The following LRTM1 variants were observed in gnomAD, a reference collection of about 807,000 sequenced individuals.
The protein encoded by LRTM1 is leucine rich repeat transmembrane protein 1, also known as leucine-rich repeat and transmembrane domain-containing protein 1.
A neutral mutation model predicts 32.4 loss-of-function variants in LRTM1; 38 were observed. The observed-to-expected ratio is 1.17, with a 90% CI of 0.91 to 1.54. The LOEUF is 1.54. Among genes scored for constraint, LRTM1 ranks in the 40% most tolerant of loss-of-function variants. LRTM1 has a pLI of 0.00. For missense variants in LRTM1, 466 were observed against 415.4 expected (o/e 1.12, Z -1.06); for synonymous variants, 186 against 169.9 (o/e 1.09, Z -0.74).
chr3:54,919,679 A>G (rs548857450), intron 2 of LRTM1, among the ~76,000 whole-genome samples: 1 of 152,330 alleles, frequency 6.6e-6, no homozygotes, highest in African/African-American at 2.4e-5. Context: ...TAGTGTGACC[A>G]CTGATTTACT....
chr3:54,928,954 C>T (rs2106951016), upstream of LRTM1, among the ~76,000 whole-genome samples: 1 of 152,250 alleles, frequency 6.6e-6, no homozygotes, highest in East Asian at 1.9e-4. Flanking sequence ...AAATCCCCTG[C>T]CATTTGCTGA....
chr3:54,918,587 A>G lies in LRTM1; in HGVS notation c.910T>C (p.Leu304=), dbSNP rs1421064034. Reference sequence around the variant, plus strand: ...GTGCAGCCATAGATGGCAGCTGCCAACATCATGAGACACACAATCCCACAC... The same window carrying G: ...GTGCAGCCATAGATGGCAGCTGCCAGCATCATGAGACACACAATCCCACAC... ...VVCGIVCLMM[L]AAAIYGCTYA... The change falls in exon 3 of 3, where the codon TTG becomes CTG. Residue 304 remains leucine (L), a synonymous_variant. Transcript: ENST00000273286. 1 of 1,614,030 alleles carries G rather than the reference A, an allele frequency of 6.2e-7. No individual in the cohort carries two copies. The highest frequency in any genetic ancestry group is 2.2e-5 in the East Asian group (1 of 44,882).
At chr3:54,959,640 G>A (rs189753864) in intron 1 of LRTM1, among the ~76,000 whole-genome samples, 11 of 152,224 alleles carry the variant, frequency 7.2e-5, no homozygotes, top group Non-Finnish European at 2.9e-5. Flanking sequence ...TAACTTGGAA[G>A]CTTATAATTT....
chr3:54,957,794 G>T (rs72877968), intron 1 of LRTM1, among the ~76,000 whole-genome samples: 5 of 152,064 alleles, frequency 3.3e-5, no homozygotes, highest in African/African-American at 4.8e-5. Context: ...GGATGAGCAC[G>T]CATGACCCCT....
intron 1 of LRTM1, among the ~76,000 whole-genome samples, chr3:54,961,783 G>A (rs1702034786): frequency 6.6e-6 from 1 of 152,140 alleles, no homozygotes; most frequent in Non-Finnish European, 1.5e-5. Context: ...AGAAGGGGTG[G>A]GTGACAGGAC....
At chr3:54,923,077 T>G (rs1700899551) in intron 2 of LRTM1, among the ~76,000 whole-genome samples, 1 of 152,196 alleles carries the variant, frequency 6.6e-6, no homozygotes, top group Non-Finnish European at 1.5e-5. Flanking sequence ...TCCCTGGTTC[T>G]TCTTCTGCAG....
chr3:54,956,068 CCTT>C (rs1019141736), intron 1 of LRTM1, among the ~76,000 whole-genome samples: 4 of 152,326 alleles, frequency 2.6e-5, no homozygotes, highest in African/African-American at 9.6e-5. Context: ...TTCCCTGTCT[CCTT>C]CTCCCTCCCC....
chr3:54,926,722 A>G (rs190162873), intron 1 of LRTM1, among the ~76,000 whole-genome samples: 414 of 152,238 alleles, frequency 2.7e-3, no homozygotes, highest in African/African-American at 9.5e-3. Context: ...AGCATGCCAC[A>G]TTTAGTATTA....
chr3:54,941,128 G>C (rs990448776), intron 1 of LRTM1, among the ~76,000 whole-genome samples: 17 of 152,156 alleles, frequency 1.1e-4, no homozygotes, highest in South Asian at 2.1e-4. Context: ...TCCTGGTAAT[G>C]CAATTAGGAA....
At chr3:54,955,340 GAA>G (rs36079741) in intron 1 of LRTM1, among the ~76,000 whole-genome samples, 1 of 152,144 alleles carries the variant, frequency 6.6e-6, no homozygotes, top group African/African-American at 2.4e-5. Flanking sequence ...AAGAACAGAT[GAA>G]AAGTCTGTCT....
chr3:54,931,510 CAA>C (rs1210098542), upstream of LRTM1, among the ~76,000 whole-genome samples: 1 of 152,042 alleles, frequency 6.6e-6, no homozygotes, highest in African/African-American at 2.4e-5. Flanking sequence ...GCCATGCTTG[CAA>C]AAAGAGGAAC....
At chr3:54,938,320 C>T (rs944016673) in intron 1 of LRTM1, among the ~76,000 whole-genome samples, 2 of 152,204 alleles carry the variant, frequency 1.3e-5, no homozygotes, top group South Asian at 2.1e-4. Context: ...TGAGTGTTTA[C>T]GTCCTGCAAC....
Position 54,927,916 on chromosome 3 carries a change from G to C in LRTM1, c.-5C>G. ...TGATCAGGGCTCACCTTTCATGACT[G>C]AGTCTCCTTGGGCGTCCTTGCTGAC... On this transcript the variant is annotated 5_prime_UTR_variant, in exon 1 of 3. Coordinates refer to ENST00000273286, the MANE Select transcript of LRTM1 (RefSeq NM_020678.4). 6.2e-7 allele frequency: 1 copy of C among 1,613,616 alleles called. No individual in the cohort carries two copies. The highest frequency in any genetic ancestry group is 8.5e-7 in the Non-Finnish European group (1 of 1,179,686).
intron 1 of LRTM1, among the ~76,000 whole-genome samples, chr3:54,962,407 A>G (rs1246425931): frequency 6.6e-6 from 1 of 152,194 alleles, no homozygotes; most frequent in Non-Finnish European, 1.5e-5. Context: ...TCTCAACATA[A>G]TTGGCATGAA....
chr3:54,933,335 T>C (rs2106961784), intron 1 of LRTM1, among the ~76,000 whole-genome samples: 1 of 152,352 alleles, frequency 6.6e-6, no homozygotes, highest in South Asian at 2.1e-4. Context: ...TTTATTTCTC[T>C]TATCACAGTC....
At chr3:54,945,737 C>T (rs1701595782) in intron 1 of LRTM1, among the ~76,000 whole-genome samples, 1 of 152,126 alleles carries the variant, frequency 6.6e-6, no homozygotes. Context: ...CTATAGGCAG[C>T]CTTGCTTTTT....
At chr3:54,933,113 CTTCTTTCT>C (rs1448193477) in intron 1 of LRTM1, among the ~76,000 whole-genome samples, 77 of 104,294 alleles carry the variant, frequency 7.4e-4, no homozygotes, top group Non-Finnish European at 1.3e-3. Flanking sequence ...TCCTTCCTTC[CTTCTTTCT>C]GGACCTCTGC....
chr3:54,942,854 C>G (rs1300902736), intron 1 of LRTM1, among the ~76,000 whole-genome samples: 1 of 152,106 alleles, frequency 6.6e-6, no homozygotes, highest in Non-Finnish European at 1.5e-5. Flanking sequence ...GAAACCCCAT[C>G]TCTACTAAAA....
rs560316166 is a variant in LRTM1 at position 54,918,667 on chromosome 3, G to T, written c.830C>A (p.Pro277Gln). 6.2e-7 allele frequency: 1 copy of T among 1,614,164 alleles called. No individual in the cohort carries two copies. Among genetic ancestry groups the T allele is most frequent in the South Asian group, 1.1e-5 (1 of 91,082 alleles). Residue 277 changes from proline (P) to glutamine (Q), a missense_variant, in exon 3 of 3, where the codon CCA (proline) becomes CAA (glutamine). Pro to Gln is a moderately conservative substitution (Grantham distance 76). Transcript: ENST00000273286. The part of the protein sequence containing the change: ...ELLECELKPK[P>Q]RPANLRHAIA... ...GGCATGACGCAGGTTGGCCGGCCTT[G>T]GCTTGGGTTTGAGCTCGCACTCCAA...
Sources: gnomAD v4.1 joint callset for allele counts (sites outside exome capture counted in the v4.1 genomes callset) on GRCh38, gnomAD v4.1.1 for gene constraint, MANE v1.5 for transcripts, NCBI Gene and HGNC (gene_info 2026-07-23, HGNC 2026-07-21) for gene names.